SEMA5B: variants seen among roughly 807,000 people sequenced by gnomAD.
SEMA5B encodes the protein semaphorin 5B, also known as semaphorin-5B.
SEMA5B carries 66 observed loss-of-function variants against 135.0 expected under a neutral mutation model. The observed-to-expected ratio is 0.49, with a 90% CI of 0.40 to 0.60. The LOEUF is 0.60. SEMA5B is among the 20% of genes least tolerant of loss of function. SEMA5B has a pLI of 0.00. For missense variants in SEMA5B, 1,501 were observed against 1,566.3 expected (o/e 0.96, Z 0.70); for synonymous variants, 690 against 639.5 (o/e 1.08, Z -1.19).
intron 1 of SEMA5B, among the ~76,000 whole-genome samples, chr3:122,990,219 C>T (rs1175803574): frequency 6.6e-6 from 1 of 152,178 alleles, no homozygotes; most frequent in East Asian, 1.9e-4. Context: ...TCATTCCCTC[C>T]TCTGCTGAGG....
intron 2 of SEMA5B, among the ~76,000 whole-genome samples, chr3:122,954,381 C>A (rs1325801633): frequency 6.6e-6 from 1 of 152,244 alleles, no homozygotes; most frequent in Non-Finnish European, 1.5e-5. Flanking sequence ...CACTCCCAGA[C>A]CCTTGTAATA....
chr3:122,990,206 C>T (rs1182415953), intron 1 of SEMA5B, among the ~76,000 whole-genome samples: 1 of 152,188 alleles, frequency 6.6e-6, no homozygotes, highest in Non-Finnish European at 1.5e-5. Context: ...ATGAGGCTTC[C>T]TATCATTCCC....
chr3:123,007,580 G>C (rs900095778), intron 1 of SEMA5B, among the ~76,000 whole-genome samples: 1 of 152,142 alleles, frequency 6.6e-6, no homozygotes, highest in Admixed American at 6.5e-5. Flanking sequence ...TCATTCATGG[G>C]TTAATGGGTT....
chr3:122,913,217 C>T lies in SEMA5B; in HGVS notation c.2488G>A (p.Gly830Ser), dbSNP rs748947693. 4 of 1,575,638 alleles carry T rather than the reference C, an allele frequency of 2.5e-6. No individual in the cohort carries two copies. In the South Asian group the frequency reaches 3.4e-5, roughly 14 times the overall value. The change falls in exon 17 of 23, where the codon GGC becomes AGC. Residue 830 changes from glycine to serine, a missense_variant. Physicochemically the swap from Gly to Ser is moderately conservative, Grantham distance 56. Around this residue, in one of 2 missense-constraint regions of SEMA5B, gnomAD observed 927 missense variants for 881.6 expected, o/e 1.05. Coordinates refer to ENST00000357599, the MANE Select transcript of SEMA5B (RefSeq NM_001031702.4). ...ETRTCPADGS[G>S]SCDTDALVEV... ...GGGGTACCGTCGGTGTCGCAGGAGC[C>T]GGAGCCGTCCGCGGGACAGGTCCTC...
chr3:122,975,954 A>C (rs1941303862), intron 1 of SEMA5B: 1 of 1,531,326 alleles, frequency 6.5e-7, no homozygotes, highest in Non-Finnish European at 8.7e-7. Context: ...CAACCTCCTC[A>C]ACACATCCCA....
At chr3:122,937,438 C>A (rs917654112) in intron 5 of SEMA5B, among the ~76,000 whole-genome samples, 1 of 152,214 alleles carries the variant, frequency 6.6e-6, no homozygotes, top group African/African-American at 2.4e-5. Flanking sequence ...CTTGTTCTCT[C>A]CCCTCTGTGG....
intron 1 of SEMA5B, among the ~76,000 whole-genome samples, chr3:122,990,528 T>A (rs958839283): frequency 3.5e-4 from 53 of 150,060 alleles, no homozygotes; most frequent in African/African-American, 1.2e-3. Flanking sequence ...AGGGCACTCA[T>A]GAGCTGTCTT....
chr3:123,025,257 G>A (rs1489699402), intron 1 of SEMA5B, among the ~76,000 whole-genome samples: 1 of 152,118 alleles, frequency 6.6e-6, no homozygotes, highest in Non-Finnish European at 1.5e-5. Flanking sequence ...CCAGCTCTCT[G>A]TCCCACCTGA....
intron 9 of SEMA5B, 25 bp downstream of exon 9, chr3:122,926,367 G>C: frequency 6.3e-7 from 1 of 1,594,342 alleles, no homozygotes; most frequent in Non-Finnish European, 8.6e-7. Flanking sequence ...TCACAGGCAA[G>C]GGGCTGGCAG....
chr3:123,017,410 C>T (rs1481271414), intron 1 of SEMA5B, among the ~76,000 whole-genome samples: 1 of 152,154 alleles, frequency 6.6e-6, no homozygotes. Context: ...CAAAAAGCAG[C>T]CACGCTGTGT....
intron 5 of SEMA5B, 78 bp from the exon 6 acceptor site, chr3:122,929,136 A>C (rs1938815051): frequency 1.4e-6 from 2 of 1,420,588 alleles, no homozygotes; most frequent in South Asian, 2.3e-5. Context: ...AGCAGGCAGC[A>C]GCCAGTGTCG....
intron 4 of SEMA5B, among the ~76,000 whole-genome samples, chr3:122,943,051 G>T (rs771121239): frequency 5.3e-5 from 8 of 152,192 alleles, no homozygotes; most frequent in Non-Finnish European, 8.8e-5. Context: ...GGTGCAGGCC[G>T]CCGGCTGGCC....
At chr3:122,941,393 C>T (rs532267506) in intron 4 of SEMA5B, among the ~76,000 whole-genome samples, 7 of 152,320 alleles carry the variant, frequency 4.6e-5, no homozygotes, top group East Asian at 3.9e-4. Flanking sequence ...AGCCGCAGAG[C>T]GGATGAGGAA....
At chr3:122,923,878 C>CACA (rs63487760) in intron 9 of SEMA5B, 126 bp from the exon 10 acceptor site, 10 of 946,464 alleles carry the variant, frequency 1.1e-5, no homozygotes, top group Non-Finnish European at 1.4e-5. Flanking sequence ...GTGTCTGGCA[C>CACA]ATGGGGGGAT....
intron 1 of SEMA5B, among the ~76,000 whole-genome samples, chr3:122,995,164 G>A (rs1344851645): frequency 6.6e-6 from 1 of 152,208 alleles, no homozygotes; most frequent in Non-Finnish European, 1.5e-5. Context: ...GGGACCCTGT[G>A]AGAAGCAGGA....
chr3:122,911,556 A>C, intron 20 of SEMA5B, 21 bp from the exon 21 acceptor site: 1 of 1,606,190 alleles, frequency 6.2e-7, no homozygotes, highest in Non-Finnish European at 8.5e-7. Context: ...ACCAGTGGAC[A>C]GGGTGTCAGG....
intron 12 of SEMA5B, among the ~76,000 whole-genome samples, chr3:122,921,429 C>T (rs72970506): frequency 0.056 from 8,483 of 152,240 alleles, 719 homozygotes; most frequent in African/African-American, 0.19. Flanking sequence ...CTCTGCCCTA[C>T]CTGCAGCAGC....
In SEMA5B at chr3:122,910,254, G is replaced by A; in HGVS notation, c.3345C>T (p.Tyr1115=). Residue 1115 remains tyrosine, a synonymous_variant, in exon 23 of 23, where the codon TAC becomes TAT. Coordinates refer to ENST00000357599, the MANE Select transcript of SEMA5B (RefSeq NM_001031702.4). ...NLIPDDRANF[Y]PLQQTNVYTT... is the part of the protein sequence containing the mutation. ...TGTACACATTGGTCTGCTGCAATGGGTAGAAGTTGGCTCTGTCATCAGGGA... is the reference window on the plus strand; with the variant it reads ...TGTACACATTGGTCTGCTGCAATGGATAGAAGTTGGCTCTGTCATCAGGGA... The A allele has an allele frequency of 6.2e-7, 1 of 1,614,218 alleles. No individual in the cohort carries two copies. Among genetic ancestry groups the A allele is most frequent in the Admixed American group, 1.7e-5 (1 of 60,024 alleles).
chr3:122,939,294 A>G, intron 5 of SEMA5B, 131 bp downstream of exon 5: 1 of 722,316 alleles, frequency 1.4e-6, no homozygotes, highest in Non-Finnish European at 2.5e-6. Context: ...GTCCATGGCC[A>G]GTGAAAAGAA....
Sources: allele counts gnomAD v4.1 joint callset (sites outside exome capture counted in the v4.1 genomes callset), GRCh38; gene constraint gnomAD v4.1.1; regional missense constraint gnomAD v4.1.1; transcripts MANE v1.5; gene names NCBI Gene and HGNC (gene_info 2026-07-23, HGNC 2026-07-21).